Variants in SHISA6 observed in about 807,000 individuals in gnomAD.
The protein encoded by SHISA6 is shisa family member 6, also known as protein shisa-6.
In SHISA6, 22 loss-of-function variants were observed where a neutral mutation model predicts 47.9. The observed-to-expected ratio is 0.46, with a 90% confidence interval of 0.33 to 0.66. SHISA6 has a LOEUF of 0.66. Among genes scored for constraint, SHISA6 ranks in the 30% least tolerant of loss-of-function variants. The pLI is 0.02. For synonymous variants in SHISA6, 388 were observed against 337.8 expected (o/e 1.15, Z -1.63); for missense variants, 680 against 764.6 (o/e 0.89, Z 1.30).
At chr17:11,297,989 G>A (rs1909807758) in intron 2 of SHISA6, among the ~76,000 whole-genome samples, 1 of 152,180 alleles carries the variant, frequency 6.6e-6, no homozygotes, top group Non-Finnish European at 1.5e-5. Flanking sequence ...GGTTATTAGA[G>A]GTTGAGGATG....
At position 11,241,989 on chromosome 17, in the gene SHISA6, C is replaced by G. The variant is rs1366428113; in HGVS notation, c.567C>G (p.Ile189Met). Reference sequence around the variant, plus strand: ...CCTGCGGGGTGATCGCCTTCGTCATCGTGGCCGGCGTCTTCGCCAAGGTCT... The same window carrying G: ...CCTGCGGGGTGATCGCCTTCGTCATGGTGGCCGGCGTCTTCGCCAAGGTCT... ...YITCGVIAFV[I>M]VAGVFAKVSY... The change falls in exon 1 of 6, where the codon ATC (isoleucine) becomes ATG (methionine). Residue 189 changes from isoleucine (I) to methionine (M), a missense_variant. Around this residue, in one of 2 missense-constraint regions of SHISA6, gnomAD observed 559 missense variants for 674.1 expected, o/e 0.83. Coordinates refer to ENST00000441885, the MANE Select transcript of SHISA6 (RefSeq NM_207386.4). This position sits in a 1 kb window ranked among gnomAD's most constrained non-coding sequence, Gnocchi z 5.5. 2 of 1,551,114 alleles carry G rather than the reference C, an allele frequency of 1.3e-6. No homozygotes were observed. Among genetic ancestry groups the G allele is most frequent in the Non-Finnish European group, 1.7e-6 (2 of 1,147,002 alleles).
chr17:11,519,473 C>A (rs1181359971), intron 3 of SHISA6, among the ~76,000 whole-genome samples: 2 of 151,992 alleles, frequency 1.3e-5, no homozygotes, highest in African/African-American at 4.8e-5. Flanking sequence ...ACAGAGGTTA[C>A]CAAGTGCTGC....
intron 1 of SHISA6, among the ~76,000 whole-genome samples, chr17:11,262,695 T>G (rs950652145): frequency 2.0e-5 from 3 of 152,092 alleles, no homozygotes; most frequent in Non-Finnish European, 4.4e-5. Context: ...GGGGGGCGGG[T>G]CTCTCCTGCT....
chr17:11,400,257 A>G (rs928168218), intron 3 of SHISA6, among the ~76,000 whole-genome samples: 1 of 152,170 alleles, frequency 6.6e-6, no homozygotes, highest in African/African-American at 2.4e-5. Context: ...GGAAAGGGAG[A>G]AACTGACGTT....
intron 2 of SHISA6, among the ~76,000 whole-genome samples, chr17:11,264,377 G>C (rs1360652582): frequency 1.3e-5 from 2 of 152,182 alleles, no homozygotes; most frequent in Admixed American, 1.3e-4. Context: ...CACATGATTA[G>C]TAAGAGAGAA....
intron 4 of SHISA6, among the ~76,000 whole-genome samples, chr17:11,554,934 T>A (rs765901852): frequency 2.0e-5 from 3 of 152,016 alleles, no homozygotes; most frequent in Non-Finnish European, 2.9e-5. Context: ...TTTCACCTTT[T>A]CTCCCACTTT....
At chr17:11,525,405 TG>T (rs1417383610) in intron 3 of SHISA6, among the ~76,000 whole-genome samples, 2 of 147,808 alleles carry the variant, frequency 1.4e-5, no homozygotes, top group Non-Finnish European at 3.0e-5. Flanking sequence ...GAGGCCAAGG[TG>T]GGCAGACGAC....
intron 2 of SHISA6, among the ~76,000 whole-genome samples, chr17:11,377,466 C>T (rs1214480792): frequency 1.3e-5 from 2 of 152,184 alleles, no homozygotes. Flanking sequence ...AAAACAGCGG[C>T]ATCCGCATCA....
chr17:11,365,085 CTGAAGATTAAATGAGGTAG>C (rs902761105), intron 2 of SHISA6, among the ~76,000 whole-genome samples: 3 of 152,218 alleles, frequency 2.0e-5, no homozygotes, highest in Admixed American at 1.3e-4. Context: ...AAGAAGTTTT[CTGAAGATTAAATGAGGTAG>C]TGATTACAAA....
chr17:11,277,648 T>C (rs1459110839), intron 2 of SHISA6, among the ~76,000 whole-genome samples: 1 of 152,188 alleles, frequency 6.6e-6, no homozygotes, highest in Non-Finnish European at 1.5e-5. Flanking sequence ...AAGTTACTGC[T>C]ACAGAAGAGA....
rs372464937 is a variant in SHISA6, at chr17:11,499,683, C to CTT, written c.896-52197_896-52196dup. ...AATTTGAAATCTATTCTTTTTCTTT[C>CTT]TTTTTTTTTTTTTTTTTGTTGTTGT... is the stretch of plus-strand genomic sequence containing the variant. On this transcript the variant is annotated intron_variant, in intron 3 of 5. Coordinates refer to ENST00000441885, the MANE Select transcript of SHISA6 (RefSeq NM_207386.4). Among the ~76,000 whole-genome samples the CTT allele has an allele frequency of 7.4e-3, 937 of 127,356 alleles. 10 individuals are homozygous for CTT. The highest frequency in any genetic ancestry group is 0.025 in the African/African-American group (795 of 32,366). 83.6% of individuals were successfully genotyped at this position (127,356 alleles called of 152,430 possible).
At chr17:11,378,350 C>CGT (rs1011948325) in intron 2 of SHISA6, among the ~76,000 whole-genome samples, 39 of 152,144 alleles carry the variant, frequency 2.6e-4, no homozygotes, top group African/African-American at 9.2e-4. Flanking sequence ...TGTGTGTGCG[C>CGT]GCACATGCAC....
chr17:11,326,626 G>A (rs928852683), intron 2 of SHISA6, among the ~76,000 whole-genome samples: 4 of 152,184 alleles, frequency 2.6e-5, no homozygotes, highest in African/African-American at 4.8e-5. Context: ...GTCTAACACC[G>A]TTAATTGGCT....
intron 3 of SHISA6, among the ~76,000 whole-genome samples, chr17:11,473,687 T>C (rs1006472999): frequency 6.6e-6 from 1 of 152,180 alleles, no homozygotes; most frequent in Non-Finnish European, 1.5e-5. Context: ...AAAAAACAGA[T>C]GGACAAATGG....
intron 3 of SHISA6, among the ~76,000 whole-genome samples, chr17:11,399,647 C>T (rs7211750): frequency 0.046 from 7,067 of 152,218 alleles, 499 homozygotes; most frequent in African/African-American, 0.15. Context: ...GTCTCGAGCT[C>T]CTCACCTCAG....
intron 3 of SHISA6, among the ~76,000 whole-genome samples, chr17:11,449,869 T>C (rs901418585): frequency 4.6e-5 from 7 of 152,148 alleles, no homozygotes; most frequent in Non-Finnish European, 7.3e-5. Context: ...CACATGGTGT[T>C]TTCTCCTATG....
At chr17:11,330,986 C>G (rs963030699) in intron 2 of SHISA6, among the ~76,000 whole-genome samples, 2 of 152,140 alleles carry the variant, frequency 1.3e-5, no homozygotes, top group Non-Finnish European at 2.9e-5. Context: ...GAAGTTCTAG[C>G]CAGCCAAAGA....
At chr17:11,409,476 C>T (rs565579463) in intron 3 of SHISA6, among the ~76,000 whole-genome samples, 89 of 151,866 alleles carry the variant, frequency 5.9e-4, no homozygotes, top group African/African-American at 1.9e-3. Context: ...CAGGCTGAGG[C>T]GGGCGGATCA....
In SHISA6 at chr17:11,501,057, G is replaced by A. The variant is rs372372211; in HGVS notation, c.896-50839G>A. Among the ~76,000 whole-genome samples the A allele has an allele frequency of 4.0e-5, 6 of 151,798 alleles. No individual in the cohort carries two copies. The South Asian group carries it at 8.3e-4, about 21-fold the overall frequency. ...TAGCCTGTAAGTGGACTTGAACTCA[G>A]ATCTGTTTGACTTCAGAGGCCAGGT... On this transcript the variant is annotated intron_variant, in intron 3 of 5. Transcript: ENST00000441885.
Sources: allele counts gnomAD v4.1 joint callset (sites outside exome capture counted in the v4.1 genomes callset), GRCh38; gene constraint gnomAD v4.1.1; regional missense constraint gnomAD v4.1.1; non-coding constraint Gnocchi (gnomAD v3.1); transcripts MANE v1.5; gene names NCBI Gene and HGNC (gene_info 2026-07-23, HGNC 2026-07-21).